PKN2: variants seen among roughly 807,000 people sequenced by gnomAD.
PKN2 encodes protein kinase N2.
A neutral mutation model predicts 119.1 loss-of-function variants in PKN2; 38 were observed. That is an observed-to-expected ratio of 0.32 (90% CI 0.25 to 0.42). The LOEUF (loss-of-function observed/expected upper bound fraction) is 0.42. Ranked by LOEUF, PKN2 falls within the 10% of genes least tolerant of loss-of-function variation. The pLI, the probability that PKN2 is intolerant of heterozygous loss-of-function variation, is 1.00. For synonymous variants in PKN2, 390 were observed against 384.9 expected, an observed-to-expected ratio of 1.01 and a Z score of -0.15; for missense variants, 850 against 1,165.1, an observed-to-expected ratio of 0.73 and a Z score of 3.94.
rs571610605 is a variant in PKN2 at position 88,813,800 on chromosome 1, A to T, written c.2279+67A>T. 2.4e-4 allele frequency: 317 copies of T among 1,298,744 alleles called. 2 individuals are homozygous for T. The highest frequency in any genetic ancestry group is 2.3e-3 in the South Asian group (161 of 69,856). The allele number at this position is 1,298,744 out of a possible 1,614,324, so 80.5% of individuals were successfully genotyped here. A position where few individuals can be genotyped will look rare whatever the true frequency, so the allele number is the denominator to read the frequency against. ...GATTTCATTCTGGGAAGGAAAAGAG[A>T]TTCTTTGAATTTTAGATTTTTTTTC... On this transcript the variant is annotated intron_variant, in intron 16 of 21. Transcript: ENST00000370521.
At chr1:88,768,282 A>G (rs1273616677) in intron 3 of PKN2, among the ~76,000 whole-genome samples, 1 of 152,196 alleles carries the variant, frequency 6.6e-6, no homozygotes, top group Non-Finnish European at 1.5e-5. Flanking sequence ...TTTTGTAGTT[A>G]TTTTGTCTGA....
Position 88,687,581 on chromosome 1 carries a change from A to C in PKN2, c.48+2953A>C, listed in dbSNP as rs901713189. ...ATGCAGACCAAATATTGAGCAGTGTACTAACAAAGCTACCTTGTTGATTAT... is the reference window on the plus strand; with the variant it reads ...ATGCAGACCAAATATTGAGCAGTGTCCTAACAAAGCTACCTTGTTGATTAT... On this transcript the variant is annotated intron_variant, in intron 1 of 21. Transcript: ENST00000370521. 1.2e-4 allele frequency among the ~76,000 whole-genome samples: 18 copies of C among 152,344 alleles called. No homozygotes were observed. In the East Asian group the frequency reaches 3.3e-3, roughly 28 times the overall value.
chr1:88,802,766 C>T (rs766312732), intron 8 of PKN2, among the ~76,000 whole-genome samples: 11 of 152,178 alleles, frequency 7.2e-5, no homozygotes, highest in Non-Finnish European at 1.3e-4. Context: ...AAGACAAAAT[C>T]TTACCATTTT....
chr1:88,704,484 C>A (rs768758251), intron 1 of PKN2, among the ~76,000 whole-genome samples: 6 of 152,132 alleles, frequency 3.9e-5, no homozygotes, highest in Non-Finnish European at 8.8e-5. Context: ...CTTACACTTT[C>A]ATTATTCTTG....
intron 1 of PKN2, among the ~76,000 whole-genome samples, chr1:88,728,997 C>T (rs1668016874): frequency 1.3e-5 from 2 of 150,904 alleles, no homozygotes; most frequent in South Asian, 4.2e-4. Context: ...TGGGTTCAAG[C>T]GATTCTCCTG....
chr1:88,801,986 T>C (rs1312742734), intron 8 of PKN2, among the ~76,000 whole-genome samples: 4 of 152,206 alleles, frequency 2.6e-5, no homozygotes, highest in African/African-American at 4.8e-5. Context: ...AGGAAGTTGC[T>C]TATGAAAGGT....
chr1:88,760,985 C>A (rs1570590420), intron 3 of PKN2, among the ~76,000 whole-genome samples: 1 of 152,202 alleles, frequency 6.6e-6, no homozygotes, highest in East Asian at 1.9e-4. Flanking sequence ...AGACCACTCT[C>A]CCAAGTGTTT....
intron 1 of PKN2, among the ~76,000 whole-genome samples, chr1:88,722,398 T>A (rs947772378): frequency 1.2e-4 from 19 of 152,194 alleles, no homozygotes; most frequent in Admixed American, 2.0e-4. Flanking sequence ...TCCCAATACA[T>A]ATGTTTTCTT....
At chr1:88,721,203 G>C (rs914036284) in intron 1 of PKN2, among the ~76,000 whole-genome samples, 3 of 152,092 alleles carry the variant, frequency 2.0e-5, no homozygotes, top group African/African-American at 7.2e-5. Context: ...TCTCCACACT[G>C]TTTTCCGTAG....
At chr1:88,810,382 A>T (rs1480862407) in intron 15 of PKN2, among the ~76,000 whole-genome samples, 1 of 151,952 alleles carries the variant, frequency 6.6e-6, no homozygotes, top group Non-Finnish European at 1.5e-5. Context: ...TCAGCCTCCC[A>T]AGGTGCTGGG....
At chr1:88,790,954 CCT>C (rs1253662136) in intron 8 of PKN2, among the ~76,000 whole-genome samples, 2 of 151,698 alleles carry the variant, frequency 1.3e-5, no homozygotes, top group African/African-American at 2.4e-5. Flanking sequence ...AAAACAACAC[CCT>C]GTTTTTCTCT....
chr1:88,789,019 A>G (rs1670698801), intron 8 of PKN2, among the ~76,000 whole-genome samples: 1 of 152,194 alleles, frequency 6.6e-6, no homozygotes, highest in African/African-American at 2.4e-5. Flanking sequence ...CAATATTAGA[A>G]ACAGAGAAGA....
intron 19 of PKN2, among the ~76,000 whole-genome samples, chr1:88,831,000 T>C (rs1456176836): frequency 6.6e-6 from 1 of 152,038 alleles, no homozygotes; most frequent in African/African-American, 2.4e-5. Context: ...TTATACATGT[T>C]CAGATTTGTA....
chr1:88,804,110 A>G (rs529993289), intron 8 of PKN2, among the ~76,000 whole-genome samples: 355 of 152,268 alleles, frequency 2.3e-3, no homozygotes, highest in Non-Finnish European at 3.5e-3. Context: ...ATTCATCTGT[A>G]TTGGTTGTTC....
At chr1:88,710,309 AAG>A (rs899956142) in intron 1 of PKN2, among the ~76,000 whole-genome samples, 8 of 152,196 alleles carry the variant, frequency 5.3e-5, no homozygotes, top group Admixed American at 4.6e-4. Flanking sequence ...TCTGTTAGAA[AAG>A]AGAAAAATTT....
In PKN2 at chr1:88,741,238, T is replaced by C; in HGVS notation, c.299T>C (p.Leu100Pro). The C allele has an allele frequency of 6.3e-7, 1 of 1,599,140 alleles. No homozygotes were observed. Among genetic ancestry groups the C allele is most frequent in the Non-Finnish European group, 8.5e-7 (1 of 1,175,752 alleles). The stretch of plus-strand genomic sequence containing the variant: ...AAATTAGAAGAACTACATCACAAGC[T>C]GCAGGAATTAAATGCACATATTGTT... ...NKKLEELHHK[L>P]QELNAHIVVS... The change falls in exon 2 of 22, where the codon CTG becomes CCG. Residue 100 changes from leucine to proline, a missense_variant. Coordinates refer to ENST00000370521, the MANE Select transcript of PKN2 (RefSeq NM_006256.4).
At chr1:88,697,475 A>G (rs189619623) in intron 1 of PKN2, among the ~76,000 whole-genome samples, 1 of 152,200 alleles carries the variant, frequency 6.6e-6, no homozygotes, top group East Asian at 1.9e-4. Context: ...GAGTTCATTC[A>G]TTACTTTGCC....
rs1667572502 is a variant in PKN2, at chr1:88,719,194, A to G, written c.49-21794A>G. ...CCAGTGGAATATTTTATTGCTCACT[A>G]ATTTTTAACTTGTTTCAACAAAGTC... On this transcript the variant is annotated intron_variant, in intron 1 of 21. Transcript: ENST00000370521. Among the ~76,000 whole-genome samples, 3 of 152,194 alleles carry G rather than the reference A, an allele frequency of 2.0e-5. No homozygotes were observed. The South Asian group carries it at 6.2e-4, about 31-fold the overall frequency.
chr1:88,824,981 A>G (rs1672438257), intron 18 of PKN2, among the ~76,000 whole-genome samples: 1 of 152,242 alleles, frequency 6.6e-6, no homozygotes, highest in Admixed American at 6.5e-5. Context: ...CCAATTATAA[A>G]AAAATGGACA....
Sources: allele counts gnomAD v4.1 joint callset (sites outside exome capture counted in the v4.1 genomes callset), GRCh38; gene constraint gnomAD v4.1.1; transcripts MANE v1.5; gene names NCBI Gene and HGNC (gene_info 2026-07-23, HGNC 2026-07-21).